Variants in APBB1 observed in about 807,000 individuals in gnomAD.
APBB1 encodes adaptor protein FE65a2.
In APBB1, 22 loss-of-function variants were observed where a neutral mutation model predicts 78.4. The observed-to-expected ratio is 0.28, with a 90% CI of 0.20 to 0.40. The LOEUF is 0.40. Ranked by LOEUF, APBB1 falls within the 10% of genes least tolerant of loss-of-function variation. The probability of loss-of-function intolerance (pLI) is 1.00; values close to 1 mark genes in which losing one functional copy is unlikely to be tolerated. For synonymous variants in APBB1, 369 were observed against 372.7 expected (o/e 0.99, Z 0.12); for missense variants, 749 against 932.4 (o/e 0.80, Z 2.56).
At chr11:6,415,685 C>T (rs1402233455) in intron 1 of APBB1, among the ~76,000 whole-genome samples, 1 of 152,182 alleles carries the variant, frequency 6.6e-6, no homozygotes, top group Non-Finnish European at 1.5e-5. Flanking sequence ...AAAGGGAAGC[C>T]ATCCAACTGG....
At chr11:6,398,319 C>T (rs1848332823) in intron 12 of APBB1, among the ~76,000 whole-genome samples, 1 of 152,054 alleles carries the variant, frequency 6.6e-6, no homozygotes. Context: ...TAAATAAAAG[C>T]AGGGATCTTT....
At chr11:6,400,664 G>A (rs915638945) in intron 12 of APBB1, among the ~76,000 whole-genome samples, 1 of 151,100 alleles carries the variant, frequency 6.6e-6, no homozygotes, top group African/African-American at 2.5e-5. Context: ...GCTACAGGCT[G>A]CTGTCTGGTG....
chr11:6,405,079 G>T, intron 2 of APBB1: 1 of 1,375,834 alleles, frequency 7.3e-7, no homozygotes, highest in Non-Finnish European at 9.4e-7. Context: ...CTTCTTCCTC[G>T]CCCTGGCTCC....
chr11:6,396,296 A>C, intron 12 of APBB1, 81 bp from the exon 13 acceptor site: 1 of 1,260,032 alleles, frequency 7.9e-7, no homozygotes. Context: ...GTTCCACCCA[A>C]TCAAACCCAG....
Position 6,410,884 on chromosome 11 carries a change from C to T in APBB1, c.464G>A (p.Gly155Glu), listed in dbSNP as rs1011436577. The T allele has an allele frequency of 4.8e-5, 78 of 1,613,960 alleles. No individual in the cohort carries two copies. Among genetic ancestry groups the T allele is most frequent in the Non-Finnish European group, 6.4e-5 (75 of 1,180,008 alleles). ...GPDEGEEKAA[G>E]EAEEEEEDDD... ...ATCCTCCTCCTCCTCCTCGGCCTCC[C>T]CGGCCGCCTTCTCCTCTCCCTCATC... Residue 155 changes from glycine (G) to glutamate (E), a missense_variant, in exon 2 of 15, where the codon GGG (glycine) becomes GAG (glutamate). This residue lies in a region of APBB1 where 635 missense variants were observed against 765.0 expected (regional missense o/e 0.83). Transcript: ENST00000609360.
In APBB1 at chr11:6,410,716, C is replaced by A; in HGVS notation, c.632G>T (p.Gly211Val). ...ATCACTGGCTGCACTGTTCCGCATG[C>A]CAAACAGGAGGCTGGCACTCTTGCT... is the stretch of plus-strand genomic sequence containing the variant. ...EHSKSASLLF[G>V]MRNSAASDED... Residue 211 changes from glycine to valine, a missense_variant, in exon 2 of 15, where the codon GGC becomes GTC. This residue lies in a region of APBB1 where 635 missense variants were observed against 765.0 expected (regional missense o/e 0.83). Transcript: ENST00000609360. 1 of 1,553,442 alleles carries A rather than the reference C, an allele frequency of 6.4e-7. No individual in the cohort carries two copies. The highest frequency in any genetic ancestry group is 8.7e-7 in the Non-Finnish European group (1 of 1,150,264).
At position 6,410,845 on chromosome 11, in the gene APBB1, T is replaced by G. The variant is rs1476202267; in HGVS notation, c.503A>C (p.Glu168Ala). ...GGGAGAAGATAAGTCCTCCTCCTCC[T>G]CTTCATCATCATCATCCTCCTCCTC... Reference protein sequence around the residue: ...EEEEEDDDDEEEEEDLSSPPG... With the variant: ...EEEEEDDDDEAEEEDLSSPPG... Residue 168 changes from glutamate to alanine, a missense_variant, in exon 2 of 15, where the codon GAG becomes GCG. Glu to Ala is a moderately radical substitution (Grantham distance 107). Transcript: ENST00000609360. 1 of 1,613,978 alleles carries G rather than the reference T, an allele frequency of 6.2e-7. No homozygotes were observed. The highest frequency in any genetic ancestry group is 1.7e-5 in the Admixed American group (1 of 59,980).
At chr11:6,417,929 A>C (rs772700778) in intron 1 of APBB1, among the ~76,000 whole-genome samples, 2 of 152,246 alleles carry the variant, frequency 1.3e-5, no homozygotes, top group Non-Finnish European at 2.9e-5. Context: ...TTTGTCTTTC[A>C]AGGAGATGTC....
chr11:6,399,262 T>A (rs1239865703), intron 12 of APBB1, among the ~76,000 whole-genome samples: 3 of 152,152 alleles, frequency 2.0e-5, no homozygotes, highest in Non-Finnish European at 4.4e-5. Flanking sequence ...CCCAGACCTC[T>A]CCTCTCAGCT....
intron 12 of APBB1, 78 bp downstream of exon 12, chr11:6,400,910 GA>G (rs1295423843): frequency 2.1e-5 from 28 of 1,306,834 alleles, no homozygotes; most frequent in Non-Finnish European, 3.0e-5. Context: ...TCTGGTAGAA[GA>G]AGTATTGGAA....
rs1848960698 is a variant in APBB1 at position 6,411,338 on chromosome 11, G to C, written c.10C>G (p.Pro4Ala). The change falls in exon 2 of 15, where the codon CCA (proline) becomes GCA (alanine). Residue 4 changes from proline to alanine, a missense_variant. Coordinates refer to ENST00000609360, the MANE Select transcript of APBB1 (RefSeq NM_001164.5). This position sits in a 1 kb window ranked among gnomAD's most constrained non-coding sequence, Gnocchi z 5.2. MSV[P>A]SSLSQSAINA... Reference sequence around the variant, plus strand: ...ATGGCCGACTGGCTCAGTGATGATGGAACAGACATGGCCTTGGCAGCTCCT... The same window carrying C: ...ATGGCCGACTGGCTCAGTGATGATGCAACAGACATGGCCTTGGCAGCTCCT... 6.5e-7 allele frequency: 1 copy of C among 1,540,776 alleles called. No homozygotes were observed. Among genetic ancestry groups the C allele is most frequent in the Non-Finnish European group, 8.7e-7 (1 of 1,144,480 alleles).
chr11:6,404,380 G>A (rs945928439), intron 2 of APBB1, among the ~76,000 whole-genome samples: 5 of 152,130 alleles, frequency 3.3e-5, no homozygotes, highest in Non-Finnish European at 7.4e-5. Context: ...CCACAGAGGT[G>A]TGTGTGCATG....
At chr11:6,413,533 TGC>T (rs1459506753) in intron 1 of APBB1, among the ~76,000 whole-genome samples, 3 of 151,968 alleles carry the variant, frequency 2.0e-5, no homozygotes, top group Non-Finnish European at 2.9e-5. Flanking sequence ...CAGGCTGGAG[TGC>T]AATGGCACGA....
intron 2 of APBB1, chr11:6,404,091 G>C: frequency 2.4e-6 from 1 of 420,312 alleles, no homozygotes; most frequent in East Asian, 3.6e-5. Context: ...GAGGGAAGAA[G>C]GAAGGGAGCA....
In APBB1 at chr11:6,395,726, C is replaced by T. The variant is rs778753113; in HGVS notation, c.1966-25G>A. ...GCTGCGGAGGCAAGCAGGGCAGTCA[C>T]TCCCCAGCCTACCTCCCATGGGGCC... On this transcript the variant is annotated intron_variant, in intron 14 of 14. Coordinates refer to ENST00000609360, the MANE Select transcript of APBB1 (RefSeq NM_001164.5). This position sits in a 1 kb window ranked among gnomAD's most constrained non-coding sequence, Gnocchi z 5.2. 1.9e-6 allele frequency: 3 copies of T among 1,595,830 alleles called. No individual in the cohort carries two copies. In the East Asian group the frequency reaches 6.7e-5, roughly 36 times the overall value.
At chr11:6,400,174 A>G (rs756461076) in intron 12 of APBB1, among the ~76,000 whole-genome samples, 10 of 152,172 alleles carry the variant, frequency 6.6e-5, no homozygotes, top group Non-Finnish European at 1.2e-4. Flanking sequence ...GCCACATGGT[A>G]AGCTTCAAAG....
intron 1 of APBB1, among the ~76,000 whole-genome samples, chr11:6,413,698 T>G (rs1381829426): frequency 3.9e-5 from 6 of 152,018 alleles, no homozygotes; most frequent in Non-Finnish European, 8.8e-5. Flanking sequence ...CTCAAACTCC[T>G]GACCTCAGGT....
intron 1 of APBB1, among the ~76,000 whole-genome samples, chr11:6,418,566 AC>A (rs1340323835): frequency 6.6e-6 from 1 of 152,142 alleles, no homozygotes; most frequent in Admixed American, 6.5e-5. Context: ...CCCAGGGCAC[AC>A]CCCTCGGTCG....
At chr11:6,412,134 G>GT (rs906193787) in intron 1 of APBB1, among the ~76,000 whole-genome samples, 10 of 152,242 alleles carry the variant, frequency 6.6e-5, no homozygotes, top group African/African-American at 1.9e-4. Context: ...TCAGATCTTT[G>GT]TTTTTTGGGG....
Sources: allele counts gnomAD v4.1 joint callset (sites outside exome capture counted in the v4.1 genomes callset), GRCh38; gene constraint gnomAD v4.1.1; regional missense constraint gnomAD v4.1.1; non-coding constraint Gnocchi (gnomAD v3.1); transcripts MANE v1.5; gene names NCBI Gene and HGNC (gene_info 2026-07-23, HGNC 2026-07-21).